SHLD1: variants seen among roughly 807,000 people sequenced by gnomAD.
SHLD1 encodes shieldin complex subunit 1.
A neutral mutation model predicts 5.5 loss-of-function variants in SHLD1; 3 were observed. The ratio of observed to expected loss-of-function variants is 0.54; its 90% CI spans 0.25 to 1.40. SHLD1 has a LOEUF of 1.40. Ranked by LOEUF, SHLD1 falls within the 40% of genes most tolerant of loss-of-function variation. The pLI is 0.15. For missense variants in SHLD1, 210 were observed against 244.4 expected (o/e 0.86, Z 0.94); for synonymous variants, 92 against 94.3 (o/e 0.98, Z 0.14).
At chr20:5,852,853 C>T (rs757693672) in intron 2 of SHLD1, among the ~76,000 whole-genome samples, 110 of 152,130 alleles carry the variant, frequency 7.2e-4, no homozygotes, top group Non-Finnish European at 1.4e-3. Flanking sequence ...GAAATATCCC[C>T]GAGTATTATG....
intron 2 of SHLD1, among the ~76,000 whole-genome samples, chr20:5,839,871 C>G (rs569834907): frequency 6.6e-6 from 1 of 152,298 alleles, no homozygotes; most frequent in Non-Finnish European, 1.5e-5. Context: ...GAATGGATGT[C>G]TCCAGTCACT....
intron 2 of SHLD1, among the ~76,000 whole-genome samples, chr20:5,862,442 G>A (rs1356378287): frequency 6.6e-6 from 1 of 152,242 alleles, no homozygotes; most frequent in African/African-American, 2.4e-5. Flanking sequence ...CAGTCCCATC[G>A]TGCACACGCA....
intron 1 of SHLD1, among the ~76,000 whole-genome samples, chr20:5,764,561 T>C (rs2122213640): frequency 6.7e-6 from 1 of 148,746 alleles, no homozygotes; most frequent in East Asian, 2.0e-4. Context: ...TTGCCAAGTA[T>C]GGTGTCTCAT....
intron 1 of SHLD1, among the ~76,000 whole-genome samples, chr20:5,752,918 C>T (rs1351178404): frequency 6.6e-6 from 1 of 152,174 alleles, no homozygotes; most frequent in Non-Finnish European, 1.5e-5. Flanking sequence ...CCTCAGCCTA[C>T]GGCGTAGCTG....
At chr20:5,779,528 T>C (rs1600113384) in intron 2 of SHLD1, among the ~76,000 whole-genome samples, 1 of 152,336 alleles carries the variant, frequency 6.6e-6, no homozygotes, top group East Asian at 1.9e-4. Flanking sequence ...TATTGTTTGC[T>C]CAGAGACATG....
In SHLD1 at chr20:5,855,116, G is replaced by C. The variant is rs1056312421; in HGVS notation, c.179-7908G>C. Among the ~76,000 whole-genome samples, 4 of 151,832 alleles carry C rather than the reference G, an allele frequency of 2.6e-5. No individual in the cohort carries two copies. The highest frequency in any genetic ancestry group is 5.9e-5 in the Non-Finnish European group (4 of 67,934). On this transcript the variant is annotated intron_variant, in intron 2 of 2. Transcript: ENST00000303142. This position sits in a 1 kb window ranked among gnomAD's most constrained non-coding sequence, Gnocchi z 4.4. ...TGGTCTCAAACTCCTGGCTTCAAGT[G>C]ATCCTCCTGCCTTGGCCTCCTAAAG...
chr20:5,819,791 C>T (rs2087584179), intron 2 of SHLD1, among the ~76,000 whole-genome samples: 1 of 152,224 alleles, frequency 6.6e-6, no homozygotes. Flanking sequence ...AACTGCACTC[C>T]AGCCTGAATG....
chr20:5,824,621 G>GT (rs1393092021), intron 2 of SHLD1, among the ~76,000 whole-genome samples: 4 of 133,020 alleles, frequency 3.0e-5, no homozygotes, highest in Non-Finnish European at 4.8e-5. Flanking sequence ...TTTTGTTGTT[G>GT]TTTGTTTTTT....
intron 2 of SHLD1, among the ~76,000 whole-genome samples, chr20:5,788,295 AGTT>A (rs140806702): frequency 0.21 from 31,936 of 152,032 alleles, 3,599 homozygotes; most frequent in Non-Finnish European, 0.25. Flanking sequence ...TATATTCAGT[AGTT>A]GTTGTTTTGT....
chr20:5,837,618 A>G (rs1718063611), intron 2 of SHLD1, among the ~76,000 whole-genome samples: 1 of 152,140 alleles, frequency 6.6e-6, no homozygotes, highest in African/African-American at 2.4e-5. Context: ...TTCCAGTTCT[A>G]TCCATGTCCC....
At chr20:5,814,948 C>T (rs1443504240) in intron 2 of SHLD1, among the ~76,000 whole-genome samples, 4 of 152,128 alleles carry the variant, frequency 2.6e-5, no homozygotes, top group East Asian at 1.9e-4. Context: ...CCACTGCGCC[C>T]GGCCCCAAAA....
Position 5,806,877 on chromosome 20 carries a change from T to C in SHLD1, c.178+33834T>C, listed in dbSNP as rs1180485467. 2.0e-5 allele frequency among the ~76,000 whole-genome samples: 3 copies of C among 152,228 alleles called. No individual in the cohort carries two copies. Among genetic ancestry groups the C allele is most frequent in the Non-Finnish European group, 4.4e-5 (3 of 68,034 alleles). On this transcript the variant is annotated intron_variant, in intron 2 of 2. Transcript: ENST00000303142. The surrounding 1 kb of genome is among the most constrained non-coding windows in gnomAD (Gnocchi z 7.6). Reference sequence around the variant, plus strand: ...CACCACCCTCTCCACTAGAATGCCATGTATTATGTATTTCCACTGAAGGAC... The same window carrying C: ...CACCACCCTCTCCACTAGAATGCCACGTATTATGTATTTCCACTGAAGGAC...
chr20:5,773,943 C>T (rs1985306759), intron 2 of SHLD1, among the ~76,000 whole-genome samples: 1 of 152,156 alleles, frequency 6.6e-6, no homozygotes, highest in African/African-American at 2.4e-5. Flanking sequence ...GTAGCTCACA[C>T]CTGTAATCCT....
At chr20:5,844,795 A>T (rs866331468) in intron 2 of SHLD1, among the ~76,000 whole-genome samples, 10,426 of 104,706 alleles carry the variant, frequency 0.1, 1,150 homozygotes, top group African/African-American at 0.3. Flanking sequence ...ATATATATAT[A>T]TATATTTTTT....
At chr20:5,812,513 A>G (rs1292841499) in intron 2 of SHLD1, among the ~76,000 whole-genome samples, 1 of 152,234 alleles carries the variant, frequency 6.6e-6, no homozygotes, top group Admixed American at 6.5e-5. Context: ...TGAACAAGTG[A>G]ACGAGTGGCC....
At chr20:5,852,147 ATG>A (rs2088019235) in intron 2 of SHLD1, among the ~76,000 whole-genome samples, 1 of 152,156 alleles carries the variant, frequency 6.6e-6, no homozygotes, top group Admixed American at 6.5e-5. Flanking sequence ...CTGCAGAACT[ATG>A]AGCCAATTAA....
rs1334161293 is a variant in SHLD1, at chr20:5,752,850, A to C, written c.-5+2371A>C. ...TGCCCTGTCACCTAGGCTGTAGTGC[A>C]GTGGCGCAGTCTCAGCTCACTGCAA... On this transcript the variant is annotated intron_variant, in intron 1 of 2. Transcript: ENST00000303142. Among the ~76,000 whole-genome samples the C allele has an allele frequency of 7.2e-5, 11 of 152,172 alleles. 1 individual carries two copies. Among genetic ancestry groups the C allele is most frequent in the African/African-American group, 2.7e-4 (11 of 41,446 alleles).
rs150930816 is a variant in SHLD1, at chr20:5,815,225, T to A, written c.178+42182T>A. Reference sequence around the variant, plus strand: ...GCATCAACTGCAAGTTTTAATGATCTTGATGCCCGGGACTCATCTCCAGAA... The same window carrying A: ...GCATCAACTGCAAGTTTTAATGATCATGATGCCCGGGACTCATCTCCAGAA... On this transcript the variant is annotated intron_variant, in intron 2 of 2. Coordinates refer to ENST00000303142, the MANE Select transcript of SHLD1 (RefSeq NM_152504.4). 3.2e-4 allele frequency among the ~76,000 whole-genome samples: 48 copies of A among 152,340 alleles called. 1 individual carries two copies. In the East Asian group the frequency reaches 4.2e-3, roughly 13 times the overall value.
chr20:5,798,570 G>A (rs2087244928), intron 2 of SHLD1, among the ~76,000 whole-genome samples: 1 of 141,092 alleles, frequency 7.1e-6, no homozygotes, highest in South Asian at 2.3e-4. Flanking sequence ...CCAAAGTGCT[G>A]GGATTACAGG....
Sources: gnomAD v4.1 joint callset for allele counts (sites outside exome capture counted in the v4.1 genomes callset) on GRCh38, gnomAD v4.1.1 for gene constraint, Gnocchi (gnomAD v3.1) non-coding constraint, MANE v1.5 for transcripts, NCBI Gene and HGNC (gene_info 2026-07-23, HGNC 2026-07-21) for gene names.